Variants in DSCAM observed in about 807,000 individuals in gnomAD.
The protein encoded by DSCAM is DS cell adhesion molecule.
In DSCAM, 47 loss-of-function variants were observed where a neutral mutation model predicts 217.7. The observed-to-expected ratio is 0.22, with a 90% CI of 0.17 to 0.28. The LOEUF is 0.28. Ranked by LOEUF, DSCAM falls within the 10% of genes least tolerant of loss-of-function variation. DSCAM has a pLI of 1.00. For missense variants in DSCAM, 2,080 were observed against 2,618.3 expected (o/e 0.79, Z 4.49); for synonymous variants, 1,056 against 1,015.3 (o/e 1.04, Z -0.76).
chr21:40,545,470 G>A (rs906334854), intron 3 of DSCAM, among the ~76,000 whole-genome samples: 3 of 152,136 alleles, frequency 2.0e-5, no homozygotes, highest in African/African-American at 7.2e-5. Context: ...CACCTGCAAA[G>A]TCCCACTTTT....
chr21:40,162,654 C>T (rs1472855936), intron 16 of DSCAM, among the ~76,000 whole-genome samples: 2 of 152,170 alleles, frequency 1.3e-5, no homozygotes, highest in Non-Finnish European at 2.9e-5. Context: ...CTTCAGATTA[C>T]TGAAATTTAA....
chr21:40,055,978 C>T, intron 28 of DSCAM, 138 bp from the exon 29 acceptor site: 1 of 545,392 alleles, frequency 1.8e-6, no homozygotes, highest in Non-Finnish European at 3.3e-6. Context: ...AACGTACATA[C>T]TATGAAAACG....
chr21:40,641,474 T>G (rs975166322), intron 3 of DSCAM, among the ~76,000 whole-genome samples: 13 of 152,206 alleles, frequency 8.5e-5, no homozygotes, highest in African/African-American at 2.4e-5. Flanking sequence ...AGATCACATT[T>G]AAGTCAAGCA....
intron 3 of DSCAM, among the ~76,000 whole-genome samples, chr21:40,659,270 T>A (rs558140658): frequency 6.6e-6 from 1 of 152,342 alleles, no homozygotes; most frequent in South Asian, 2.1e-4. Context: ...AGAAGGATTG[T>A]CTGGTGTACT....
rs535400896 is a variant in DSCAM, at chr21:40,153,310, G to A, written c.3019-8579C>T. 4.9e-4 allele frequency among the ~76,000 whole-genome samples: 75 copies of A among 152,328 alleles called. 1 individual carries two copies. The highest frequency in any genetic ancestry group is 9.1e-4 in the Admixed American group (14 of 15,306). On this transcript the variant is annotated intron_variant, in intron 16 of 32. Transcript: ENST00000400454. ...CAGAATACTGCCTGATACTTGCAGTGCTGAAGGTTTGCCCAGAGTACTATG... is the reference window on the plus strand; with the variant it reads ...CAGAATACTGCCTGATACTTGCAGTACTGAAGGTTTGCCCAGAGTACTATG...
Position 40,102,035 on chromosome 21 carries a change from G to C in DSCAM, c.3697-8161C>G, listed in dbSNP as rs142686675. On this transcript the variant is annotated intron_variant, in intron 20 of 32. Coordinates refer to ENST00000400454, the MANE Select transcript of DSCAM (RefSeq NM_001389.5). ...TTACTGAGTTCAGTTGCAGTGTGTAGATTATAAGGCAAGTTCCTGCCCCCG... is the reference window on the plus strand; with the variant it reads ...TTACTGAGTTCAGTTGCAGTGTGTACATTATAAGGCAAGTTCCTGCCCCCG... Among the ~76,000 whole-genome samples the C allele has an allele frequency of 4.7e-3, 721 of 152,240 alleles. 3 individuals are homozygous for C. Among genetic ancestry groups the C allele is most frequent in the African/African-American group, 0.017 (692 of 41,554 alleles).
chr21:40,557,730 A>G (rs935488040), intron 3 of DSCAM, among the ~76,000 whole-genome samples: 1 of 152,198 alleles, frequency 6.6e-6, no homozygotes, highest in Non-Finnish European at 1.5e-5. Flanking sequence ...CACTGGATGC[A>G]GATGCTCAAT....
rs576468192 is a variant in DSCAM at position 40,735,935 on chromosome 21, G to A, written c.44-27164C>T. 4.1e-4 allele frequency among the ~76,000 whole-genome samples: 63 copies of A among 152,100 alleles called. 1 individual carries two copies. The highest frequency in any genetic ancestry group is 8.1e-4 in the Non-Finnish European group (55 of 67,980). On this transcript the variant is annotated intron_variant, in intron 1 of 32. Transcript: ENST00000400454. The stretch of plus-strand genomic sequence containing the variant: ...CCCCAGCTTAAGGGCTCCATTCCCC[G>A]AGATTGCCCTCACTTCTGATGCCAG...
intron 1 of DSCAM, among the ~76,000 whole-genome samples, chr21:40,744,101 A>AC (rs1418221632): frequency 6.6e-6 from 1 of 152,054 alleles, no homozygotes; most frequent in Non-Finnish European, 1.5e-5. Flanking sequence ...ATTGACACAG[A>AC]CTCATGGTTT....
intron 3 of DSCAM, among the ~76,000 whole-genome samples, chr21:40,528,616 C>T (rs1352816819): frequency 6.6e-6 from 1 of 152,098 alleles, no homozygotes; most frequent in Non-Finnish European, 1.5e-5. Flanking sequence ...AAATTTTGTA[C>T]AAGTGCATCT....
intron 3 of DSCAM, among the ~76,000 whole-genome samples, chr21:40,414,553 A>G (rs538838429): frequency 3.0e-4 from 46 of 152,320 alleles, no homozygotes; most frequent in African/African-American, 1.1e-3. Context: ...CACTTTTTCC[A>G]TGAGGTACAT....
At chr21:40,293,943 A>G (rs548569903) in intron 10 of DSCAM, among the ~76,000 whole-genome samples, 44 of 152,344 alleles carry the variant, frequency 2.9e-4, no homozygotes, top group African/African-American at 1.0e-3. Context: ...TTAAAAATGT[A>G]TAATGTGTAT....
chr21:40,498,100 C>G (rs2076133883), intron 3 of DSCAM, among the ~76,000 whole-genome samples: 1 of 152,096 alleles, frequency 6.6e-6, no homozygotes, highest in Non-Finnish European at 1.5e-5. Context: ...CTCGGTTTTC[C>G]TCATTTATAA....
chr21:40,339,052 G>T lies in DSCAM; in HGVS notation c.1507+67C>A, dbSNP rs1237257597. The T allele has an allele frequency of 3.8e-6, 6 of 1,573,058 alleles. No individual in the cohort carries two copies. In the East Asian group the frequency reaches 1.3e-4, roughly 35 times the overall value. On this transcript the variant is annotated intron_variant, in intron 7 of 32. Coordinates refer to ENST00000400454, the MANE Select transcript of DSCAM (RefSeq NM_001389.5). The stretch of plus-strand genomic sequence containing the variant: ...CATTCCAAGACCCAGCTCGGTGCAT[G>T]CAGAAATCTTCTTCTCCACTATAAT...
intron 9 of DSCAM, among the ~76,000 whole-genome samples, chr21:40,301,937 G>T (rs1264815567): frequency 2.0e-5 from 3 of 152,162 alleles, no homozygotes; most frequent in Non-Finnish European, 4.4e-5. Context: ...GGAGGACTCT[G>T]GCCAAGAAGA....
intron 1 of DSCAM, among the ~76,000 whole-genome samples, chr21:40,748,510 TATAA>T (rs1455332678): frequency 6.6e-6 from 1 of 151,958 alleles, no homozygotes; most frequent in East Asian, 1.9e-4. Flanking sequence ...ATAAAATGCC[TATAA>T]ATAAACTTAA....
intron 1 of DSCAM, among the ~76,000 whole-genome samples, chr21:40,838,452 C>G (rs181684457): frequency 1.3e-5 from 2 of 152,212 alleles, no homozygotes; most frequent in Admixed American, 6.5e-5. Context: ...AATGCTGAAG[C>G]CACTTTGGGA....
chr21:40,021,219 A>AG (rs1303956726), intron 32 of DSCAM, among the ~76,000 whole-genome samples: 1 of 151,722 alleles, frequency 6.6e-6, no homozygotes, highest in African/African-American at 2.4e-5. Flanking sequence ...AAAAAAAAAA[A>AG]AAAAAAAGAA....
At chr21:40,467,289 C>G (rs914105422) in intron 3 of DSCAM, among the ~76,000 whole-genome samples, 2 of 152,202 alleles carry the variant, frequency 1.3e-5, no homozygotes, top group Non-Finnish European at 2.9e-5. Flanking sequence ...TGCATATACA[C>G]AATGATTTAA....
Sources: gnomAD v4.1 joint callset for allele counts (sites outside exome capture counted in the v4.1 genomes callset) on GRCh38, gnomAD v4.1.1 for gene constraint, MANE v1.5 for transcripts, NCBI Gene and HGNC (gene_info 2026-07-23, HGNC 2026-07-21) for gene names.